Variants in ZNF257 observed in about 807,000 individuals in gnomAD.
ZNF257 encodes the protein bone marrow zinc finger 4.
A neutral mutation model predicts 11.9 loss-of-function variants in ZNF257; 12 were observed. The ratio of observed to expected loss-of-function variants is 1.01; its 90% CI spans 0.65 to 1.63. The LOEUF (loss-of-function observed/expected upper bound fraction) is 1.63, where lower values mean the gene tolerates loss of function less well. Ranked by LOEUF, ZNF257 falls within the 40% of genes most tolerant of loss-of-function variation. ZNF257 has a pLI of 0.00. For synonymous variants in ZNF257, 183 were observed against 222.7 expected (o/e 0.82, Z 1.59); for missense variants, 580 against 665.5 (o/e 0.87, Z 1.41).
intron 1 of ZNF257, among the ~76,000 whole-genome samples, chr19:22,062,269 A>G (rs1599661189): frequency 8.9e-6 from 1 of 111,748 alleles, no homozygotes; most frequent in Non-Finnish European, 1.7e-5. Context: ...TCTGTTGCCC[A>G]GTCTGGAGTG....
chr19:22,071,823 A>C (rs552050173), intron 1 of ZNF257, among the ~76,000 whole-genome samples: 2 of 152,236 alleles, frequency 1.3e-5, no homozygotes, highest in Non-Finnish European at 2.9e-5. Context: ...CTTAAAAAAG[A>C]TGGAAAACTT....
intron 3 of ZNF257, among the ~76,000 whole-genome samples, chr19:22,080,363 C>A (rs770937913): frequency 6.6e-6 from 1 of 152,138 alleles, no homozygotes; most frequent in Non-Finnish European, 1.5e-5. Context: ...TTGGCACCAT[C>A]CTCTTTGTAA....
intron 1 of ZNF257, among the ~76,000 whole-genome samples, chr19:22,068,230 C>G (rs1226262587): frequency 6.8e-6 from 1 of 147,394 alleles, no homozygotes; most frequent in African/African-American, 2.5e-5. Flanking sequence ...TTCCAGGCAA[C>G]TTGAATCTTT....
intron 3 of ZNF257, among the ~76,000 whole-genome samples, chr19:22,078,745 G>A (rs1041552106): frequency 6.6e-6 from 1 of 151,368 alleles, no homozygotes; most frequent in Non-Finnish European, 1.5e-5. Flanking sequence ...TATGGTTCAA[G>A]GAAATAATCC....
At chr19:22,087,703 A>C (rs2022506598) in intron 3 of ZNF257, 1 of 705,330 alleles carries the variant, frequency 1.4e-6, no homozygotes, top group African/African-American at 1.9e-5. Flanking sequence ...TGTTGGGTTA[A>C]TATAACAGAT....
At position 22,052,507 on chromosome 19, in the gene ZNF257, A is replaced by G; in HGVS notation, c.-126A>G. The G allele has an allele frequency of 8.8e-7, 1 of 1,136,400 alleles. No homozygotes were observed. Among genetic ancestry groups the G allele is most frequent in the South Asian group, 1.2e-5 (1 of 80,892 alleles). The allele number at this position is 1,136,400 out of a possible 1,614,324, so 70.4% of individuals were successfully genotyped here. A position where few individuals can be genotyped will look rare whatever the true frequency, so the allele number is the denominator to read the frequency against. On this transcript the variant is annotated 5_prime_UTR_variant, in exon 1 of 4. Transcript: ENST00000594947. The stretch of plus-strand genomic sequence containing the variant: ...GTACTTTGTCTCTCGCTCTAGCCCG[A>G]GCTGCAGGTCTCGTCTTCCCTGGTC...
intron 1 of ZNF257, among the ~76,000 whole-genome samples, chr19:22,059,070 C>G (rs2021722516): frequency 6.6e-6 from 1 of 152,150 alleles, no homozygotes; most frequent in Non-Finnish European, 1.5e-5. Flanking sequence ...AGAGTCACAC[C>G]TGGGCCACTA....
intron 1 of ZNF257, among the ~76,000 whole-genome samples, chr19:22,056,684 T>G (rs1271142342): frequency 1.3e-5 from 2 of 151,918 alleles, no homozygotes; most frequent in East Asian, 3.9e-4. Context: ...TTCACCATGT[T>G]AGCCAGGATG....
intron 3 of ZNF257, among the ~76,000 whole-genome samples, chr19:22,081,619 C>T (rs1470977977): frequency 6.6e-6 from 1 of 152,030 alleles, no homozygotes; most frequent in East Asian, 1.9e-4. Context: ...GCTTCAGCCT[C>T]CCAAACTCAG....
At chr19:22,081,814 A>G (rs1024928440) in intron 3 of ZNF257, among the ~76,000 whole-genome samples, 16 of 152,248 alleles carry the variant, frequency 1.1e-4, no homozygotes, top group Middle Eastern at 6.8e-3. Flanking sequence ...ACATTTTTAA[A>G]AATTAAATAG....
intron 1 of ZNF257, among the ~76,000 whole-genome samples, chr19:22,069,410 C>T (rs1185019039): frequency 1.3e-5 from 2 of 151,738 alleles, no homozygotes; most frequent in East Asian, 1.9e-4. Flanking sequence ...GTCAGGAGTT[C>T]GAGACCAGCC....
chr19:22,087,894 A>G (rs1482411712), intron 3 of ZNF257, 83 bp from the exon 4 acceptor site: 2 of 1,260,568 alleles, frequency 1.6e-6, no homozygotes, highest in East Asian at 4.9e-5. Context: ...TATGTAGTAT[A>G]TACAGTTTTA....
intron 3 of ZNF257, among the ~76,000 whole-genome samples, chr19:22,081,419 T>C (rs765980506): frequency 6.6e-6 from 1 of 151,776 alleles, no homozygotes; most frequent in Admixed American, 6.6e-5. Flanking sequence ...TTTTTCATTC[T>C]GTTACTTTCA....
Position 22,073,346 on chromosome 19 carries a change from TAA to T in ZNF257, c.131-121_131-120del. ...TCTAAATATTTAGAAATTTCTGTTA[TAA>T]ATTAGTATTTTGGCATAAATGTATT... On this transcript the variant is annotated intron_variant, in intron 2 of 3. Transcript: ENST00000594947. 2.6e-6 allele frequency: 3 copies of T among 1,147,518 alleles called. No individual in the cohort carries two copies. In the South Asian group the frequency reaches 6.3e-5, roughly 24 times the overall value. The allele number at this position is 1,147,518 out of a possible 1,614,324, so 71.1% of individuals were successfully genotyped here.
chr19:22,064,972 T>A (rs2021903826), intron 1 of ZNF257, among the ~76,000 whole-genome samples: 1 of 150,604 alleles, frequency 6.6e-6, no homozygotes, highest in Non-Finnish European at 1.5e-5. Context: ...GAGAATCGCT[T>A]GAACCCAGGA....
intron 3 of ZNF257, 135 bp downstream of exon 3, chr19:22,073,699 A>T (rs202004399): frequency 1.0e-4 from 115 of 1,114,864 alleles, no homozygotes; most frequent in African/African-American, 2.7e-4. Flanking sequence ...CTGAGTTTGC[A>T]TTTTTTTTTT....
chr19:22,075,964 T>C (rs1405621306), intron 3 of ZNF257: 1 of 152,170 alleles, frequency 6.6e-6, no homozygotes, highest in Non-Finnish European at 1.5e-5. Context: ...CTCTATCTTA[T>C]TAATGTCACC....
Position 22,089,863 on chromosome 19 carries a change from T to G in ZNF257, c.*421T>G, listed in dbSNP as rs1309942662. The G allele has an allele frequency of 5.6e-6, 1 of 179,094 alleles. No homozygotes were observed. Among genetic ancestry groups the G allele is most frequent in the Non-Finnish European group, 1.2e-5 (1 of 82,952 alleles). 11.1% of individuals were successfully genotyped at this position (179,094 alleles called of 1,614,324 possible). A position where few individuals can be genotyped will look rare whatever the true frequency, so the allele number is the denominator to read the frequency against. ...AAGATGTTTCATACTGGAGCGAAAC[T>G]ACAATCCTGAATGATGTCACAGTGC... On this transcript the variant is annotated 3_prime_UTR_variant, in exon 4 of 4. Transcript: ENST00000594947.
intron 1 of ZNF257, among the ~76,000 whole-genome samples, chr19:22,055,738 A>G (rs1470301211): frequency 6.6e-6 from 1 of 152,036 alleles, no homozygotes; most frequent in Non-Finnish European, 1.5e-5. Flanking sequence ...TTTCTTAATC[A>G]GCATTGCTAC....
Sources: allele counts gnomAD v4.1 joint callset (sites outside exome capture counted in the v4.1 genomes callset), GRCh38; gene constraint gnomAD v4.1.1; transcripts MANE v1.5; gene names NCBI Gene and HGNC (gene_info 2026-07-23, HGNC 2026-07-21).